Variants in COPS2 observed in about 807,000 individuals in gnomAD.
COPS2 encodes the protein COP9 signalosome subunit 2.
Under a neutral mutation model 66.1 loss-of-function variants are expected in COPS2, and 10 were observed. The ratio of observed to expected loss-of-function variants is 0.15; its 90% CI spans 0.09 to 0.26. COPS2 has a LOEUF of 0.26. Among genes scored for constraint, COPS2 ranks in the 10% least tolerant of loss-of-function variants. The probability of loss-of-function intolerance (pLI) is 1.00; values close to 1 mark genes in which losing one functional copy is unlikely to be tolerated. For synonymous variants in COPS2, 179 were observed against 171.3 expected (o/e 1.04, Z -0.35); for missense variants, 215 against 513.3 (o/e 0.42, Z 5.62).
intron 1 of COPS2, among the ~76,000 whole-genome samples, chr15:49,149,030 T>A (rs2084340317): frequency 6.6e-6 from 1 of 152,192 alleles, no homozygotes; most frequent in Non-Finnish European, 1.5e-5. Flanking sequence ...GAAATTTTAA[T>A]TAGTATATAA....
In COPS2 at chr15:49,155,568, A is replaced by G. The variant is rs536586238; in HGVS notation, c.11T>C (p.Met4Thr). 2 of 1,613,840 alleles carry G rather than the reference A, an allele frequency of 1.2e-6. No homozygotes were observed. The highest frequency in any genetic ancestry group is 1.1e-5 in the South Asian group (1 of 91,060). Residue 4 changes from methionine (M) to threonine (T), a missense_variant, in exon 1 of 13, where the codon ATG becomes ACG. Met to Thr is a moderately conservative substitution (Grantham distance 81). Coordinates refer to ENST00000388901, the MANE Select transcript of COPS2 (RefSeq NM_004236.4). ...ATCATCGCACATGAAATCATCCTCC[A>G]TGTCAGACATCTTGGCCGGGAGGGG... is the stretch of plus-strand genomic sequence containing the variant. MSD[M>T]EDDFMCDDEE...
intron 9 of COPS2, among the ~76,000 whole-genome samples, chr15:49,132,098 A>G (rs1432706175): frequency 6.6e-6 from 1 of 152,152 alleles, no homozygotes; most frequent in African/African-American, 2.4e-5. Flanking sequence ...GCTTTTCCTC[A>G]ATATTTCTTA....
chr15:49,136,855 G>A (rs2084256069), intron 6 of COPS2, among the ~76,000 whole-genome samples: 1 of 151,972 alleles, frequency 6.6e-6, no homozygotes, highest in Admixed American at 6.6e-5. Context: ...TGGGCATGGT[G>A]GTGTGCACTT....
Position 49,122,860 on chromosome 15 carries a change from G to A in COPS2, c.*5090C>T, listed in dbSNP as rs571786137. ...AATCAGTTCTCAATTATTAATTGGTGGAACTGACCATTTCAGGCAGACATC... is the reference window on the plus strand; with the variant it reads ...AATCAGTTCTCAATTATTAATTGGTAGAACTGACCATTTCAGGCAGACATC... On this transcript the variant is annotated 3_prime_UTR_variant, in exon 13 of 13. Coordinates refer to ENST00000388901, the MANE Select transcript of COPS2 (RefSeq NM_004236.4). The A allele has an allele frequency of 6.6e-6, 1 of 152,266 alleles. No individual in the cohort carries two copies. The highest frequency in any genetic ancestry group is 1.9e-4 in the East Asian group (1 of 5,190). The allele number at this position is 152,266 out of a possible 1,614,324, so 9.4% of individuals were successfully genotyped here. A position where few individuals can be genotyped will look rare whatever the true frequency, so the allele number is the denominator to read the frequency against.
Position 49,128,758 on chromosome 15 carries a change from C to T in COPS2, c.1131G>A (p.Glu377=), listed in dbSNP as rs1270043681. The T allele has an allele frequency of 6.2e-7, 1 of 1,602,942 alleles. No homozygotes were observed. Among genetic ancestry groups the T allele is most frequent in the Non-Finnish European group, 8.5e-7 (1 of 1,171,592 alleles). Residue 377 remains glutamate (E), a splice_region_variant and synonymous_variant, in exon 12 of 13, where the codon GAG becomes GAA. Coordinates refer to ENST00000388901, the MANE Select transcript of COPS2 (RefSeq NM_004236.4). ...TRIHIPFISK[E]LNIDVADVES... ...CCACATCAGCTACATCTATGTTTAA[C>T]TCCTAAGACAAAAGACTTGTTATAT...
At chr15:49,142,135 A>G (rs1466333843) in intron 3 of COPS2, among the ~76,000 whole-genome samples, 8 of 152,256 alleles carry the variant, frequency 5.3e-5, no homozygotes, top group African/African-American at 1.9e-4. Flanking sequence ...AAATGGAAAG[A>G]AAGCATGGGG....
At chr15:49,135,652 A>G (rs1382822419) in intron 6 of COPS2, among the ~76,000 whole-genome samples, 1 of 152,190 alleles carries the variant, frequency 6.6e-6, no homozygotes, top group East Asian at 1.9e-4. Flanking sequence ...CAACAGGAAG[A>G]TATTCATAAA....
At chr15:49,143,735 C>G (rs1450602827) in intron 3 of COPS2, among the ~76,000 whole-genome samples, 1 of 152,146 alleles carries the variant, frequency 6.6e-6, no homozygotes, top group African/African-American at 2.4e-5. Context: ...GCCTGTAATC[C>G]TAGCACTTTG....
chr15:49,124,587 G>A lies in COPS2; in HGVS notation c.*3363C>T, dbSNP rs2084150266. On this transcript the variant is annotated 3_prime_UTR_variant, in exon 13 of 13. Transcript: ENST00000388901. ...AACCTGATACTCCATCTCTTGTTCT[G>A]GATAGTGTTCTTAAACACTTTGATA... 1 of 152,004 alleles carries A rather than the reference G, an allele frequency of 6.6e-6. No homozygotes were observed. The highest frequency in any genetic ancestry group is 1.5e-5 in the Non-Finnish European group (1 of 68,012). The allele number at this position is 152,004 out of a possible 1,614,324, so 9.4% of individuals were successfully genotyped here. A position where few individuals can be genotyped will look rare whatever the true frequency, so the allele number is the denominator to read the frequency against.
rs1304682830 is a variant in COPS2, at chr15:49,125,562, A to C, written c.*2388T>G. ...ACTTCCCCTAAATTTATATTTCGATAAGCAATCTCTAAGATTTCAACTCTA... is the reference window on the plus strand; with the variant it reads ...ACTTCCCCTAAATTTATATTTCGATCAGCAATCTCTAAGATTTCAACTCTA... On this transcript the variant is annotated 3_prime_UTR_variant, in exon 13 of 13. Transcript: ENST00000388901. 2.0e-5 allele frequency: 3 copies of C among 152,152 alleles called. No homozygotes were observed. The highest frequency in any genetic ancestry group is 7.2e-5 in the African/African-American group (3 of 41,462). 9.4% of individuals were successfully genotyped at this position (152,152 alleles called of 1,614,324 possible).
chr15:49,138,276 G>C (rs1214009141), intron 4 of COPS2, among the ~76,000 whole-genome samples: 1 of 151,658 alleles, frequency 6.6e-6, no homozygotes, highest in Non-Finnish European at 1.5e-5. Context: ...TGCTTAACAG[G>C]ATCAAGAAGA....
At chr15:49,143,635 G>A (rs1010786266) in intron 3 of COPS2, among the ~76,000 whole-genome samples, 2 of 152,176 alleles carry the variant, frequency 1.3e-5, no homozygotes, top group African/African-American at 4.8e-5. Flanking sequence ...TAATAAACAG[G>A]AGAATTTTAA....
At chr15:49,136,317 A>C (rs933430024) in intron 6 of COPS2, among the ~76,000 whole-genome samples, 2 of 152,214 alleles carry the variant, frequency 1.3e-5, no homozygotes, top group African/African-American at 4.8e-5. Flanking sequence ...AAGGGAATAT[A>C]AAATGAAAGC....
In COPS2 at chr15:49,144,269, T is replaced by A; in HGVS notation, c.204A>T (p.Gly68=). 6.2e-7 allele frequency: 1 copy of A among 1,610,964 alleles called. No homozygotes were observed. Among genetic ancestry groups the A allele is most frequent in the Non-Finnish European group, 8.5e-7 (1 of 1,178,180 alleles). ...TAATCATTTGTTTCAGTGCTTTAAA[T>A]CCCCATTCTCCTTTTTCACCTTCAA... ...LELEGEKGEW[G]FKALKQMIKI... The change falls in exon 3 of 13, where the codon GGA becomes GGT. Residue 68 remains glycine (G), a synonymous_variant. Transcript: ENST00000388901.
At position 49,126,875 on chromosome 15, in the gene COPS2, T is replaced by C. The variant is rs1468882936; in HGVS notation, c.*1075A>G. Reference sequence around the variant, plus strand: ...CCTAATACTATATTTTTTAAAACAATGTATAATCATAAAGTTTAGTGTGTG... The same window carrying C: ...CCTAATACTATATTTTTTAAAACAACGTATAATCATAAAGTTTAGTGTGTG... On this transcript the variant is annotated 3_prime_UTR_variant, in exon 13 of 13. Transcript: ENST00000388901. 1 of 152,134 alleles carries C rather than the reference T, an allele frequency of 6.6e-6. No homozygotes were observed. Among genetic ancestry groups the C allele is most frequent in the African/African-American group, 2.4e-5 (1 of 41,446 alleles). 9.4% of individuals were successfully genotyped at this position (152,134 alleles called of 1,614,324 possible).
At position 49,127,550 on chromosome 15, in the gene COPS2, T is replaced by C. The variant is rs2084177227; in HGVS notation, c.*400A>G. 1.2e-5 allele frequency: 2 copies of C among 160,688 alleles called. No individual in the cohort carries two copies. 10.0% of individuals were successfully genotyped at this position (160,688 alleles called of 1,614,324 possible). On this transcript the variant is annotated 3_prime_UTR_variant, in exon 13 of 13. Transcript: ENST00000388901. ...AAGGAAGTGTTCAAAAGGGTATGCA[T>C]TTCAAGTTATTGCAGGTTATTTGTG...
chr15:49,130,876 A>G lies in COPS2; in HGVS notation c.948-60T>C, dbSNP rs543344779. 11 of 883,660 alleles carry G rather than the reference A, an allele frequency of 1.2e-5. No homozygotes were observed. In the East Asian group the frequency reaches 2.7e-4, roughly 22 times the overall value. 54.7% of individuals were successfully genotyped at this position (883,660 alleles called of 1,614,324 possible). A position where few individuals can be genotyped will look rare whatever the true frequency, so the allele number is the denominator to read the frequency against. On this transcript the variant is annotated intron_variant, in intron 9 of 12. Transcript: ENST00000388901. ...ATGAAGAAGTTATGTATTAAATCAG[A>G]TAATCCAAAGACCCTGCTTCTCAAC...
At chr15:49,146,305 C>T (rs1035520701) in intron 1 of COPS2, among the ~76,000 whole-genome samples, 2 of 152,064 alleles carry the variant, frequency 1.3e-5, no homozygotes, top group Non-Finnish European at 2.9e-5. Context: ...ACTTGGAACA[C>T]TTCTTTTAGG....
rs1439324171 is a variant in COPS2, at chr15:49,124,989, G to GT, written c.*2960dup. On this transcript the variant is annotated 3_prime_UTR_variant, in exon 13 of 13. Coordinates refer to ENST00000388901, the MANE Select transcript of COPS2 (RefSeq NM_004236.4). ...ACATACCTGTGTTTACTGAAGAACT[G>GT]TAACTATTGATTAAAAAAGAAAATT... is the stretch of plus-strand genomic sequence containing the variant. 1 of 152,052 alleles carries GT rather than the reference G, an allele frequency of 6.6e-6. No individual in the cohort carries two copies. Among genetic ancestry groups the GT allele is most frequent in the Non-Finnish European group, 1.5e-5 (1 of 67,986 alleles). 9.4% of individuals were successfully genotyped at this position (152,052 alleles called of 1,614,324 possible).
Sources: allele counts gnomAD v4.1 joint callset (sites outside exome capture counted in the v4.1 genomes callset), GRCh38; gene constraint gnomAD v4.1.1; transcripts MANE v1.5; gene names NCBI Gene and HGNC (gene_info 2026-07-23, HGNC 2026-07-21).